Variants in FAM199X observed in about 807,000 individuals in gnomAD.
FAM199X encodes the protein protein FAM199X.
In FAM199X, 4 loss-of-function variants were observed where a neutral mutation model predicts 22.9. The observed-to-expected ratio is 0.17, with a 90% CI of 0.09 to 0.40. FAM199X has a LOEUF of 0.40. Ranked by LOEUF, FAM199X falls within the 10% of genes least tolerant of loss-of-function variation. FAM199X has a pLI of 1.00. For synonymous variants in FAM199X, 101 were observed against 112.3 expected, an observed-to-expected ratio of 0.90 and a Z score of 0.64; for missense variants, 183 against 306.8, an observed-to-expected ratio of 0.60 and a Z score of 3.01.
At position 104,190,530 on chromosome X, in the gene FAM199X, G is replaced by C. The variant is rs1556380145; in HGVS notation, c.*752G>C. ...TACTGATGAAATAATGTTACTAGTAGCTGAATTTTAGACTTGATGCTATGT... is the reference window on the plus strand; with the variant it reads ...TACTGATGAAATAATGTTACTAGTACCTGAATTTTAGACTTGATGCTATGT... On this transcript the variant is annotated 3_prime_UTR_variant, in exon 6 of 6. Coordinates refer to ENST00000493442, the MANE Select transcript of FAM199X (RefSeq NM_207318.4). 1.8e-5 allele frequency: 2 copies of C among 111,867 alleles called. No individual in the cohort carries two copies. The highest frequency in any genetic ancestry group is 3.8e-5 in the Non-Finnish European group (2 of 53,198). 9.2% of individuals were successfully genotyped at this position (111,867 alleles called of 1,213,427 possible).
chrX:104,169,411 G>A (rs1401615423), intron 1 of FAM199X, among the ~76,000 whole-genome samples: 1 of 111,994 alleles, frequency 8.9e-6, no homozygotes, highest in East Asian at 2.8e-4. Context: ...TAAGAAAAAT[G>A]TGGAGATTTT....
the FAM199X span, among the ~76,000 whole-genome samples, chrX:104,159,731 G>A: frequency 8.9e-6 from 1 of 111,904 alleles, no homozygotes; most frequent in Non-Finnish European, 1.9e-5. Context: ...GGTATTAGCT[G>A]ATGAATACAG....
rs782690336 is a variant in FAM199X, at chrX:104,188,229, T to A, written c.919T>A (p.Ser307Thr). The change falls in exon 5 of 6, where the codon TCC (serine) becomes ACC (threonine). Residue 307 changes from serine (S) to threonine (T), a missense_variant. Coordinates refer to ENST00000493442, the MANE Select transcript of FAM199X (RefSeq NM_207318.4). ...CAGTGTTGGAAACTCTGCTTCAAAC[T>A]CCAGTGCCAACATGAGTCGAGCACA... Reference protein sequence around the residue: ...GSSVGNSASNSSANMSRAHSD... With the variant: ...GSSVGNSASNTSANMSRAHSD... 4 of 1,211,985 alleles carry A rather than the reference T, an allele frequency of 3.3e-6. No homozygotes were observed. In the Admixed American group the frequency reaches 6.5e-5, roughly 20 times the overall value.
chrX:104,191,920 G>A lies in FAM199X; in HGVS notation c.*2142G>A, dbSNP rs188163717. 2.5e-4 allele frequency: 28 copies of A among 111,871 alleles called. No individual in the cohort carries two copies. The East Asian group carries it at 3.3e-3, about 13-fold the overall frequency. The allele number at this position is 111,871 out of a possible 1,213,427, so 9.2% of individuals were successfully genotyped here. ...AAGTGCCACAAAGTTGATTTTTAACGTTTGTAAAGGTTTGAATGTTTATAG... is the reference window on the plus strand; with the variant it reads ...AAGTGCCACAAAGTTGATTTTTAACATTTGTAAAGGTTTGAATGTTTATAG... On this transcript the variant is annotated 3_prime_UTR_variant, in exon 6 of 6. Transcript: ENST00000493442.
upstream of FAM199X, among the ~76,000 whole-genome samples, chrX:104,166,424 C>T (rs1371089422): frequency 8.9e-6 from 1 of 112,346 alleles, no homozygotes; most frequent in Non-Finnish European, 1.9e-5. Context: ...CGCCCTTCCC[C>T]TCCTTGCGGG....
intron 1 of FAM199X, among the ~76,000 whole-genome samples, chrX:104,173,404 TAGTG>T (rs1480270990): frequency 8.9e-6 from 1 of 111,774 alleles, no homozygotes; most frequent in Non-Finnish European, 1.9e-5. Context: ...TGAATTATAA[TAGTG>T]TGTGTGTGTT....
At chrX:104,189,487 A>T in intron 5 of FAM199X, 121 bp from the exon 6 acceptor site, 2 of 690,585 alleles carry the variant, frequency 2.9e-6, no homozygotes, top group Non-Finnish European at 4.5e-6. Flanking sequence ...CAAGGATCAT[A>T]CTACAGAAGG....
the FAM199X span, among the ~76,000 whole-genome samples, chrX:104,158,900 A>G: frequency 9.0e-6 from 1 of 111,220 alleles, no homozygotes; most frequent in African/African-American, 3.3e-5. Flanking sequence ...AGAACCCATC[A>G]CTCCACACCT....
chrX:104,162,230 A>G (rs1288326253), upstream of FAM199X, among the ~76,000 whole-genome samples: 1 of 111,571 alleles, frequency 9.0e-6, no homozygotes, highest in Non-Finnish European at 1.9e-5. Flanking sequence ...TAAAAGTCCC[A>G]AAGTTAAAAA....
intron 5 of FAM199X, 27 bp from the exon 6 acceptor site, chrX:104,189,581 C>T: frequency 8.3e-7 from 1 of 1,207,538 alleles, no homozygotes; most frequent in Non-Finnish European, 1.1e-6. Context: ...CTAAACCAAA[C>T]TGATTTAGAA....
chrX:104,175,512 C>A, intron 1 of FAM199X, 111 bp from the exon 2 acceptor site: 1 of 626,007 alleles, frequency 1.6e-6, no homozygotes, highest in Non-Finnish European at 2.4e-6. Context: ...TTTAAAAATA[C>A]AAAAAACCTC....
upstream of FAM199X, among the ~76,000 whole-genome samples, chrX:104,165,431 C>T (rs1432833629): frequency 9.0e-6 from 1 of 111,706 alleles, no homozygotes; most frequent in African/African-American, 3.3e-5. Flanking sequence ...TTCATTTTTC[C>T]CCTCCTTTCC....
upstream of FAM199X, among the ~76,000 whole-genome samples, chrX:104,164,243 T>C (rs1233411020): frequency 8.9e-6 from 1 of 112,089 alleles, no homozygotes; most frequent in African/African-American, 3.2e-5. Flanking sequence ...TGTAAGTATG[T>C]CTTGGGGTTG....
intron 2 of FAM199X, among the ~76,000 whole-genome samples, chrX:104,185,023 A>AC (rs1232470702): frequency 1.1e-5 from 1 of 94,304 alleles, no homozygotes; most frequent in Non-Finnish European, 2.1e-5. Context: ...CGATCCTCCC[A>AC]CCTCAGCCTT....
Position 104,175,787 on chromosome X carries a change from T to C in FAM199X, c.362T>C (p.Val121Ala). The stretch of plus-strand genomic sequence containing the variant: ...CCTGAGGGGAGTGTCTGCAGTGATG[T>C]CTCTTCTTCTATTAGCACTTACTGG... ...LFPEGSVCSD[V>A]SSSISTYWDW... Residue 121 changes from valine (V) to alanine (A), a missense_variant, in exon 2 of 6, where the codon GTC becomes GCC. This residue lies in a region of FAM199X where 128 missense variants were observed against 246.2 expected (regional missense o/e 0.52). Transcript: ENST00000493442. 1 of 1,211,569 alleles carries C rather than the reference T, an allele frequency of 8.3e-7. No homozygotes were observed. The highest frequency in any genetic ancestry group is 1.7e-5 in the African/African-American group (1 of 57,849).
At chrX:104,167,089 C>A in intron 1 of FAM199X, 107 bp downstream of exon 1, 1 of 709,957 alleles carries the variant, frequency 1.4e-6, no homozygotes, top group South Asian at 3.4e-5. Context: ...CCCCCACCTG[C>A]TTTCGACCAG....
At chrX:104,166,259 C>G (rs894458864), upstream of FAM199X, among the ~76,000 whole-genome samples, 1 of 113,029 alleles carries the variant, frequency 8.8e-6, no homozygotes. Context: ...AGTGAGAAAG[C>G]GGAGGAGGAG....
At chrX:104,166,198 T>G (rs782631118), upstream of FAM199X, among the ~76,000 whole-genome samples, 15 of 112,984 alleles carry the variant, frequency 1.3e-4, no homozygotes, top group African/African-American at 9.6e-5. Context: ...AGTGTGACCT[T>G]GGCCAAGTCC....
Position 104,166,753 on chromosome X carries a change from A to G in FAM199X, c.-33A>G, listed in dbSNP as rs1411988348. ...GCGGGCGCGGGAGCAGCCCAGGGCC[A>G]GAGAGGGAGCCCGAGCCAGGCCATC... On this transcript the variant is annotated 5_prime_UTR_variant, in exon 1 of 6. Coordinates refer to ENST00000493442, the MANE Select transcript of FAM199X (RefSeq NM_207318.4). 2.5e-6 allele frequency: 3 copies of G among 1,177,622 alleles called. No individual in the cohort carries two copies. The highest frequency in any genetic ancestry group is 1.8e-5 in the African/African-American group (1 of 56,605).
Sources: allele counts gnomAD v4.1 joint callset (sites outside exome capture counted in the v4.1 genomes callset), GRCh38; gene constraint gnomAD v4.1.1; regional missense constraint gnomAD v4.1.1; transcripts MANE v1.5; gene names NCBI Gene and HGNC (gene_info 2026-07-23, HGNC 2026-07-21).